Variants in ALK observed in about 807,000 individuals in gnomAD.
ALK encodes the protein ALK tyrosine kinase receptor.
A neutral mutation model predicts 163.1 loss-of-function variants in ALK; 74 were observed. The ratio of observed to expected loss-of-function variants is 0.45; its 90% confidence interval spans 0.38 to 0.55. The LOEUF is 0.55. Ranked by LOEUF, ALK falls within the 20% of genes least tolerant of loss-of-function variation. ALK has a pLI of 0.00. For synonymous variants in ALK, 960 were observed against 843.2 expected, an observed-to-expected ratio of 1.14 and a Z score of -2.40; for missense variants, 2,063 against 2,105.3, an observed-to-expected ratio of 0.98 and a Z score of 0.39.
chr2:29,529,745 G>T (rs541628339), intron 4 of ALK, among the ~76,000 whole-genome samples: 1 of 152,220 alleles, frequency 6.6e-6, no homozygotes. Flanking sequence ...TGAGGAGGCT[G>T]GTCCAGGCAT....
At chr2:29,569,060 A>G (rs1010611225) in intron 3 of ALK, among the ~76,000 whole-genome samples, 2 of 152,088 alleles carry the variant, frequency 1.3e-5, no homozygotes. Flanking sequence ...AAGGCCAGAG[A>G]CTGAGCACCC....
intron 21 of ALK, 35 bp from the exon 22 acceptor site, chr2:29,222,443 A>G (rs1293458069): frequency 2.5e-6 from 4 of 1,613,276 alleles, no homozygotes; most frequent in Non-Finnish European, 3.4e-6. Flanking sequence ...GAGGAGGAGG[A>G]GGCTGTGAGC....
At position 29,518,533 on chromosome 2, in the gene ALK, A is replaced by G. The variant is rs1457804004; in HGVS notation, c.1154+13382T>C. On this transcript the variant is annotated intron_variant, in intron 4 of 28. Coordinates refer to ENST00000389048, the MANE Select transcript of ALK (RefSeq NM_004304.5). Reference sequence around the variant, plus strand: ...GCTTTCATGGTTCCTAACGGTGTCAACTTTAGGTGGCTGGGGTTCAAACGC... The same window carrying G: ...GCTTTCATGGTTCCTAACGGTGTCAGCTTTAGGTGGCTGGGGTTCAAACGC... Among the ~76,000 whole-genome samples the G allele has an allele frequency of 2.6e-5, 4 of 152,206 alleles. No individual in the cohort carries two copies. In the East Asian group the frequency reaches 7.7e-4, roughly 29 times the overall value.
chr2:29,462,946 A>C (rs1671121534), intron 4 of ALK, among the ~76,000 whole-genome samples: 1 of 152,216 alleles, frequency 6.6e-6, no homozygotes, highest in Non-Finnish European at 1.5e-5. Context: ...ACAAGAGCAA[A>C]ATGTAACATC....
chr2:29,586,412 C>T (rs1674890643), intron 3 of ALK, among the ~76,000 whole-genome samples: 1 of 152,086 alleles, frequency 6.6e-6, no homozygotes, highest in African/African-American at 2.4e-5. Context: ...TTCTTATCTA[C>T]ATTTGAGAAT....
chr2:29,475,047 T>C (rs1671474418), intron 4 of ALK, among the ~76,000 whole-genome samples: 1 of 152,102 alleles, frequency 6.6e-6, no homozygotes, highest in South Asian at 2.1e-4. Context: ...TGCTCCTGCA[T>C]TCCTTCTTCT....
At chr2:29,677,878 A>G (rs1677932470) in intron 3 of ALK, among the ~76,000 whole-genome samples, 1 of 152,080 alleles carries the variant, frequency 6.6e-6, no homozygotes, top group Non-Finnish European at 1.5e-5. Flanking sequence ...TTCTGCAAGT[A>G]TTTGGTAGAA....
chr2:29,364,833 A>T (rs1382050301), intron 5 of ALK, among the ~76,000 whole-genome samples: 23 of 152,218 alleles, frequency 1.5e-4, no homozygotes, highest in Admixed American at 1.5e-3. Flanking sequence ...GCATTGTACC[A>T]TCATGTGAGT....
At chr2:29,565,862 C>T (rs1558386944) in intron 3 of ALK, among the ~76,000 whole-genome samples, 1 of 152,060 alleles carries the variant, frequency 6.6e-6, no homozygotes. Flanking sequence ...ATTAAATTAA[C>T]ACAGTTAAAA....
intron 12 of ALK, among the ~76,000 whole-genome samples, chr2:29,241,700 G>A (rs1046447149): frequency 1.3e-5 from 2 of 152,096 alleles, no homozygotes; most frequent in Non-Finnish European, 2.9e-5. Context: ...AGGGCTGTAG[G>A]TTTGGAGAGG....
At chr2:29,668,153 T>A (rs1677574283) in intron 3 of ALK, among the ~76,000 whole-genome samples, 2 of 152,010 alleles carry the variant, frequency 1.3e-5, no homozygotes, top group South Asian at 4.2e-4. Context: ...CATTTCTAAT[T>A]TCATTATTTG....
At chr2:29,890,730 A>C (rs1384651241) in intron 1 of ALK, 1 of 152,186 alleles carries the variant, frequency 6.6e-6, no homozygotes, top group Non-Finnish European at 1.5e-5. Context: ...TGACTTAATC[A>C]GCTGTGTCCC....
intron 2 of ALK, among the ~76,000 whole-genome samples, chr2:29,700,864 AGTTGT>A (rs1474269062): frequency 2.6e-5 from 4 of 152,208 alleles, no homozygotes; most frequent in African/African-American, 4.8e-5. Flanking sequence ...GCTGTAGAAG[AGTTGT>A]CAATGACAAA....
intron 1 of ALK, among the ~76,000 whole-genome samples, chr2:29,743,443 T>C (rs901540991): frequency 6.6e-6 from 1 of 152,012 alleles, no homozygotes; most frequent in African/African-American, 2.4e-5. Flanking sequence ...AAAGACTAAA[T>C]GAAGGAAGCA....
chr2:29,301,295 TTCC>T (rs1167728423), intron 8 of ALK, among the ~76,000 whole-genome samples: 4 of 152,226 alleles, frequency 2.6e-5, no homozygotes, highest in African/African-American at 9.6e-5. Context: ...CAGAAACCAC[TTCC>T]TCCTCCTCTT....
chr2:29,239,787 T>G lies in ALK; in HGVS notation c.2248A>C (p.Thr750Pro). 1 of 1,613,950 alleles carries G rather than the reference T, an allele frequency of 6.2e-7. No homozygotes were observed. The highest frequency in any genetic ancestry group is 8.5e-7 in the Non-Finnish European group (1 of 1,179,996). The change falls in exon 13 of 29, where the codon ACC becomes CCC. Residue 750 changes from threonine (T) to proline (P), a missense_variant. By Grantham distance (38) the Thr-to-Pro change is conservative. This residue lies in a region of ALK where 575 missense variants were observed against 626.6 expected (regional missense o/e 0.92). Transcript: ENST00000389048. ...GACACGCCGTGGGACCGCATCATGG[T>G]GTTCTTCCCGCCTTTCCCGCCAGCA... ...GAAGGKGGKN[T>P]MMRSHGVSVL...
chr2:29,406,106 T>C (rs1043778287), intron 4 of ALK, among the ~76,000 whole-genome samples: 5 of 152,238 alleles, frequency 3.3e-5, no homozygotes, highest in African/African-American at 1.2e-4. Context: ...ATTTGAATAA[T>C]TGCAGAGCCG....
At chr2:29,884,945 G>A (rs1666951276) in intron 1 of ALK, among the ~76,000 whole-genome samples, 1 of 152,190 alleles carries the variant, frequency 6.6e-6, no homozygotes, top group Non-Finnish European at 1.5e-5. Flanking sequence ...CATGATTCAA[G>A]GGAGGAAGGG....
At chr2:29,306,038 C>T (rs1666500383) in intron 8 of ALK, among the ~76,000 whole-genome samples, 1 of 152,076 alleles carries the variant, frequency 6.6e-6, no homozygotes, top group Non-Finnish European at 1.5e-5. Context: ...TGCCACTCAC[C>T]TCCTGCTGTG....
Sources: gnomAD v4.1 joint callset for allele counts (sites outside exome capture counted in the v4.1 genomes callset) on GRCh38, gnomAD v4.1.1 for gene constraint, gnomAD v4.1.1 regional missense constraint, MANE v1.5 for transcripts, NCBI Gene and HGNC (gene_info 2026-07-23, HGNC 2026-07-21) for gene names.